Variants in FHIT observed in about 807,000 individuals in gnomAD.
The protein encoded by FHIT is bis(5'-adenosyl)-triphosphatase.
FHIT carries 19 observed loss-of-function variants against 17.9 expected under a neutral mutation model. That is an observed-to-expected ratio of 1.06 (90% CI 0.74 to 1.56). The LOEUF (loss-of-function observed/expected upper bound fraction) is 1.56. Ranked by LOEUF, FHIT falls within the 40% of genes most tolerant of loss-of-function variation. FHIT has a pLI of 0.00. For synonymous variants in FHIT, 81 were observed against 69.7 expected (o/e 1.16, Z -0.81); for missense variants, 248 against 189.2 (o/e 1.31, Z -1.82).
intron 1 of FHIT, among the ~76,000 whole-genome samples, chr3:61,216,950 C>T (rs145842359): frequency 0.02 from 2,774 of 141,156 alleles, 75 homozygotes; most frequent in African/African-American, 0.069. Flanking sequence ...GCAATGAGAA[C>T]ACATGGACAC....
chr3:59,907,400 C>T (rs1444088009), intron 8 of FHIT, among the ~76,000 whole-genome samples: 2 of 152,340 alleles, frequency 1.3e-5, no homozygotes, highest in Non-Finnish European at 2.9e-5. Context: ...CAGTAGTCTC[C>T]TTCACTCACC....
At chr3:60,141,979 A>T (rs553723487) in intron 5 of FHIT, among the ~76,000 whole-genome samples, 1 of 152,310 alleles carries the variant, frequency 6.6e-6, no homozygotes, top group South Asian at 2.1e-4. Flanking sequence ...TTAGCAGTTG[A>T]CATTTTAATT....
At chr3:60,409,286 T>C (rs72876844) in intron 5 of FHIT, among the ~76,000 whole-genome samples, 53 of 152,236 alleles carry the variant, frequency 3.5e-4, no homozygotes, top group African/African-American at 1.2e-3. Context: ...ACTGAAAACA[T>C]AAATCCTGGA....
chr3:60,250,196 A>C (rs1576369059), intron 5 of FHIT, among the ~76,000 whole-genome samples: 1 of 152,180 alleles, frequency 6.6e-6, no homozygotes, highest in Non-Finnish European at 1.5e-5. Context: ...ATAAAGTCGC[A>C]CCTACAGCTG....
At chr3:60,396,638 G>A (rs1224411688) in intron 5 of FHIT, among the ~76,000 whole-genome samples, 3 of 152,122 alleles carry the variant, frequency 2.0e-5, no homozygotes. Flanking sequence ...ATCATGGGCT[G>A]GAGTGGATGG....
At chr3:60,617,104 G>C (rs2038974563) in intron 4 of FHIT, 1 of 219,312 alleles carries the variant, frequency 4.6e-6, no homozygotes, top group African/African-American at 2.3e-5. Flanking sequence ...CAATGAGCAG[G>C]ACCTGAAGAT....
intron 1 of FHIT, among the ~76,000 whole-genome samples, chr3:61,223,882 G>GATATGATACAA (rs2039901272): frequency 6.6e-6 from 1 of 151,458 alleles, no homozygotes; most frequent in Non-Finnish European, 1.5e-5. Flanking sequence ...ATATGATACA[G>GATATGATACAA]ATAAGGGGAA....
intron 5 of FHIT, among the ~76,000 whole-genome samples, chr3:60,431,786 C>A (rs1050858624): frequency 1.3e-5 from 2 of 152,060 alleles, no homozygotes; most frequent in South Asian, 4.1e-4. Flanking sequence ...CTTACAGACT[C>A]TCTCATGTCC....
intron 8 of FHIT, among the ~76,000 whole-genome samples, chr3:59,854,114 T>C (rs1702053563): frequency 1.3e-5 from 2 of 152,298 alleles, no homozygotes; most frequent in Admixed American, 1.3e-4. Flanking sequence ...AGTAAATTAA[T>C]TAGCTTTGCA....
At chr3:59,770,823 C>T (rs2106830087) in intron 8 of FHIT, among the ~76,000 whole-genome samples, 1 of 152,308 alleles carries the variant, frequency 6.6e-6, no homozygotes, top group East Asian at 1.9e-4. Flanking sequence ...GAGTCCACAA[C>T]AGGCCTTTCG....
intron 8 of FHIT, among the ~76,000 whole-genome samples, chr3:59,771,328 G>A (rs1437110652): frequency 3.3e-5 from 5 of 152,096 alleles, no homozygotes; most frequent in Non-Finnish European, 4.4e-5. Context: ...ATCATTCTGG[G>A]GAAAAGATAC....
At chr3:60,295,190 C>T (rs997759918) in intron 5 of FHIT, among the ~76,000 whole-genome samples, 3 of 152,048 alleles carry the variant, frequency 2.0e-5, no homozygotes, top group African/African-American at 4.8e-5. Context: ...TTTGAGGCTA[C>T]AGTGGGCTAT....
chr3:60,288,466 A>T (rs752752161), intron 5 of FHIT, among the ~76,000 whole-genome samples: 3 of 152,118 alleles, frequency 2.0e-5, no homozygotes, highest in Non-Finnish European at 4.4e-5. Context: ...ATGTTGGTGG[A>T]AAGATTAAAT....
chr3:60,427,284 G>C (rs754590560), intron 5 of FHIT, among the ~76,000 whole-genome samples: 4 of 152,084 alleles, frequency 2.6e-5, no homozygotes, highest in Non-Finnish European at 5.9e-5. Flanking sequence ...AAGATAATGG[G>C]TGCCCCAGTC....
rs375828353 is a variant in FHIT, at chr3:60,417,067, C to T, written c.103+119793G>A. Among the ~76,000 whole-genome samples the T allele has an allele frequency of 4.8e-5, 7 of 145,394 alleles. 1 individual carries two copies. The highest frequency in any genetic ancestry group is 4.4e-4 in the South Asian group (2 of 4,588). ...TCGCACCACTGCACTCCAGCCTGGT[C>T]GACAGAGGGAGACTCCATCTCAGAA... On this transcript the variant is annotated intron_variant, in intron 5 of 9. Transcript: ENST00000492590.
chr3:60,420,250 C>G (rs754272622), intron 5 of FHIT, among the ~76,000 whole-genome samples: 12 of 152,156 alleles, frequency 7.9e-5, no homozygotes, highest in Non-Finnish European at 1.6e-4. Context: ...ATATCATGTG[C>G]AATCATCCAT....
intron 4 of FHIT, among the ~76,000 whole-genome samples, chr3:60,566,975 G>A (rs2037158664): frequency 6.9e-6 from 1 of 144,496 alleles, no homozygotes; most frequent in African/African-American, 2.6e-5. Flanking sequence ...CAAACAAATG[G>A]AAGAACATTC....
intron 1 of FHIT, among the ~76,000 whole-genome samples, chr3:61,200,958 G>A (rs942043618): frequency 7.6e-4 from 115 of 151,702 alleles, no homozygotes; most frequent in African/African-American, 2.7e-3. Flanking sequence ...GGCTTATAGC[G>A]AGATGAAAAT....
At chr3:61,241,204 G>A (rs1524021) in intron 1 of FHIT, among the ~76,000 whole-genome samples, 64,426 of 151,882 alleles carry the variant, frequency 0.42, 16,658 homozygotes, top group East Asian at 0.78. Context: ...TCTTGCCAGG[G>A]TCATTCCTAG....
Sources: gnomAD v4.1 joint callset for allele counts (sites outside exome capture counted in the v4.1 genomes callset) on GRCh38, gnomAD v4.1.1 for gene constraint, MANE v1.5 for transcripts, NCBI Gene and HGNC (gene_info 2026-07-23, HGNC 2026-07-21) for gene names.